The following CRABP2 variants were observed in gnomAD, a reference collection of about 807,000 sequenced individuals.
CRABP2 encodes the protein cellular retinoic acid-binding protein 2.
CRABP2 carries 20 observed loss-of-function variants against 17.9 expected under a neutral mutation model. The observed-to-expected ratio is 1.12, with a 90% CI of 0.79 to 1.63. CRABP2 has a LOEUF of 1.63. Ranked by LOEUF, CRABP2 falls within the 40% of genes most tolerant of loss-of-function variation. The pLI is 0.00. For synonymous variants in CRABP2, 76 were observed against 66.4 expected (o/e 1.14, Z -0.70); for missense variants, 151 against 168.6 (o/e 0.90, Z 0.58).
intron 1 of CRABP2, among the ~76,000 whole-genome samples, 170 bp from the exon 2 acceptor site, chr1:156,701,222 G>A (rs1648023320): frequency 6.6e-6 from 1 of 152,100 alleles, no homozygotes; most frequent in African/African-American, 2.4e-5. Context: ...TGAAGGAGAC[G>A]GTAGGCGGTG....
chr1:156,703,585 G>C (rs1648103827), intron 1 of CRABP2, among the ~76,000 whole-genome samples: 1 of 152,106 alleles, frequency 6.6e-6, no homozygotes, highest in Non-Finnish European at 1.5e-5. Flanking sequence ...TCCAGACCTG[G>C]GTTCCTAGAG....
chr1:156,705,382 A>T lies in CRABP2; in HGVS notation c.65T>A (p.Val22Glu), dbSNP rs1482470387. ...GCCCTCGAACATTTCCTTACCCAGC[A>T]CTTTGAGCAATTCCTCGAAGTTTTC... ...RSENFEELLK[V>E]LGVNVMLRKI... Residue 22 changes from valine (V) to glutamate (E), a missense_variant, in exon 1 of 4, where the codon GTG becomes GAG. By Grantham distance (121) the Val-to-Glu change is moderately radical. Coordinates refer to ENST00000368222, the MANE Select transcript of CRABP2 (RefSeq NM_001878.4). This position sits in a 1 kb window ranked among gnomAD's most constrained non-coding sequence, Gnocchi z 5.2. The T allele has an allele frequency of 1.2e-6, 2 of 1,613,274 alleles. No individual in the cohort carries two copies. Among genetic ancestry groups the T allele is most frequent in the African/African-American group, 1.3e-5 (1 of 74,640 alleles).
intron 3 of CRABP2, 75 bp downstream of exon 3, chr1:156,700,467 G>T: frequency 8.3e-7 from 1 of 1,201,376 alleles, no homozygotes; most frequent in Non-Finnish European, 1.2e-6. Context: ...TGAGTCTCCT[G>T]CACCCTGGGG....
intron 1 of CRABP2, among the ~76,000 whole-genome samples, chr1:156,703,940 G>GC (rs1278885468): frequency 6.6e-6 from 1 of 152,146 alleles, no homozygotes; most frequent in Non-Finnish European, 1.5e-5. Flanking sequence ...TTTTTAATCT[G>GC]CCCCCTGCAG....
At position 156,705,159 on chromosome 1, in the gene CRABP2, G is replaced by A. The variant is rs924528921; in HGVS notation, c.70+218C>T. 2.0e-5 allele frequency among the ~76,000 whole-genome samples: 3 copies of A among 152,242 alleles called. No homozygotes were observed. Among genetic ancestry groups the A allele is most frequent in the African/African-American group, 7.2e-5 (3 of 41,478 alleles). The stretch of plus-strand genomic sequence containing the variant: ...TTTCTACGTGATTCACAGGCCGTGA[G>A]TCACCGCAGTGTTGGCACCGGTGGG... On this transcript the variant is annotated intron_variant, in intron 1 of 3. Transcript: ENST00000368222. This position sits in a 1 kb window ranked among gnomAD's most constrained non-coding sequence, Gnocchi z 5.2.
intron 1 of CRABP2, among the ~76,000 whole-genome samples, chr1:156,703,544 GC>G (rs1196397487): frequency 1.3e-5 from 2 of 152,116 alleles, no homozygotes; most frequent in African/African-American, 2.4e-5. Context: ...GGATTTCCCT[GC>G]CCCTGATCTG....
Position 156,705,387 on chromosome 1 carries a change from G to A in CRABP2, c.60C>T (p.Leu20=), listed in dbSNP as rs146310086. The part of the protein sequence containing the change: ...IIRSENFEEL[L]KVLGVNVMLR... ...CGAACATTTCCTTACCCAGCACTTT[G>A]AGCAATTCCTCGAAGTTTTCCGATC... Residue 20 remains leucine (L), a synonymous_variant, in exon 1 of 4, where the codon CTC becomes CTT. Coordinates refer to ENST00000368222, the MANE Select transcript of CRABP2 (RefSeq NM_001878.4). The surrounding 1 kb of genome is among the most constrained non-coding windows in gnomAD (Gnocchi z 5.2). 462 of 1,614,146 alleles carry A rather than the reference G, an allele frequency of 2.9e-4. 2 individuals carry two copies. In the African/African-American group the frequency reaches 5.5e-3, roughly 19 times the overall value.
Position 156,700,947 on chromosome 1 carries a change from A to G in CRABP2, c.176T>C (p.Val59Ala). ...DTFYIKTSTTVRTTEINFKVG... is the reference protein window; with the variant it reads ...DTFYIKTSTTARTTEINFKVG... Reference sequence around the variant, plus strand: ...CTTGAAGTTAATCTCTGTGGTGCGCACGGTGGTGGAGGTTTTGATGTAGAA... The same window carrying G: ...CTTGAAGTTAATCTCTGTGGTGCGCGCGGTGGTGGAGGTTTTGATGTAGAA... The change falls in exon 2 of 4, where the codon GTG becomes GCG. Residue 59 changes from valine to alanine, a missense_variant. By Grantham distance (64) the Val-to-Ala change is moderately conservative. Transcript: ENST00000368222. The G allele has an allele frequency of 6.2e-7, 1 of 1,614,190 alleles. No homozygotes were observed. Among genetic ancestry groups the G allele is most frequent in the Admixed American group, 1.7e-5 (1 of 60,030 alleles).
intron 1 of CRABP2, among the ~76,000 whole-genome samples, chr1:156,704,214 A>G (rs1025267742): frequency 6.6e-5 from 10 of 152,286 alleles, no homozygotes; most frequent in Non-Finnish European, 1.3e-4. Context: ...GACTCCAAGA[A>G]GTATTGTGGT....
At chr1:156,701,995 G>C (rs1648051805) in intron 1 of CRABP2, among the ~76,000 whole-genome samples, 2 of 151,040 alleles carry the variant, frequency 1.3e-5, no homozygotes, top group African/African-American at 4.9e-5. Context: ...AAAAAAGCCA[G>C]GGCTGGACGC....
rs912371530 is a variant in CRABP2, at chr1:156,699,958, G to A, written c.*68C>T. 2 of 1,522,942 alleles carry A rather than the reference G, an allele frequency of 1.3e-6. No individual in the cohort carries two copies. The highest frequency in any genetic ancestry group is 1.8e-6 in the Non-Finnish European group (2 of 1,111,876). The allele number at this position is 1,522,942 out of a possible 1,614,324, so 94.3% of individuals were successfully genotyped here. A position where few individuals can be genotyped will look rare whatever the true frequency, so the allele number is the denominator to read the frequency against. On this transcript the variant is annotated 3_prime_UTR_variant, in exon 4 of 4. Transcript: ENST00000368222. The stretch of plus-strand genomic sequence containing the variant: ...CCTAGAAGGAGGGGGTGGGACGGAG[G>A]GGGCAGTGAAGCAGGGCGGTGAGCA...
At position 156,700,547 on chromosome 1, in the gene CRABP2, T is replaced by C. The variant is rs752717781; in HGVS notation, c.361A>G (p.Ile121Val). Reference protein sequence around the residue: ...TRELTNDGELILTMTADDVVC... With the variant: ...TRELTNDGELVLTMTADDVVC... ...GGGGAGGAGGCAGGACTTACCAGGA[T>C]CAGTTCCCCATCGTTGGTCAGTTCT... The change falls in exon 3 of 4, where the codon ATC becomes GTC. Residue 121 changes from isoleucine (I) to valine (V), a missense_variant. Physicochemically the swap from Ile to Val is conservative, Grantham distance 29. Coordinates refer to ENST00000368222, the MANE Select transcript of CRABP2 (RefSeq NM_001878.4). 6.8e-6 allele frequency: 11 copies of C among 1,612,912 alleles called. No individual in the cohort carries two copies. In the South Asian group the frequency reaches 1.2e-4, roughly 18 times the overall value.
chr1:156,703,204 G>A (rs1648091836), intron 1 of CRABP2, among the ~76,000 whole-genome samples: 1 of 152,124 alleles, frequency 6.6e-6, no homozygotes, highest in African/African-American at 2.4e-5. Context: ...TCCCCGCTCT[G>A]TGTGATGTAT....
Position 156,705,468 on chromosome 1 carries a change from C to T in CRABP2, c.-22G>A, listed in dbSNP as rs1648166711. ...GCATGGTGGCGGCGCGGGAGGCGGT[C>T]CCCGTAGACTCCTAGGCTGGAGCAC... is the stretch of plus-strand genomic sequence containing the variant. On this transcript the variant is annotated 5_prime_UTR_variant, in exon 1 of 4. Transcript: ENST00000368222. The surrounding 1 kb of genome is among the most constrained non-coding windows in gnomAD (Gnocchi z 5.2). 2 of 1,613,272 alleles carry T rather than the reference C, an allele frequency of 1.2e-6. No homozygotes were observed. The highest frequency in any genetic ancestry group is 1.1e-5 in the South Asian group (1 of 91,066).
intron 1 of CRABP2, among the ~76,000 whole-genome samples, chr1:156,704,075 C>T (rs1324653198): frequency 6.6e-6 from 1 of 152,158 alleles, no homozygotes; most frequent in Non-Finnish European, 1.5e-5. Flanking sequence ...ACCAGACCAC[C>T]ACCTCATCCA....
intron 2 of CRABP2, 95 bp downstream of exon 2, chr1:156,700,779 A>G (rs1648008155): frequency 1.3e-6 from 2 of 1,532,476 alleles, no homozygotes; most frequent in Middle Eastern, 1.9e-4. Context: ...CTACTGGGAC[A>G]GAGAGAAGCT....
rs2102607238 is a variant in CRABP2 at position 156,705,458 on chromosome 1, G to A, written c.-12C>T. On this transcript the variant is annotated 5_prime_UTR_variant, in exon 1 of 4. Coordinates refer to ENST00000368222, the MANE Select transcript of CRABP2 (RefSeq NM_001878.4). This position sits in a 1 kb window ranked among gnomAD's most constrained non-coding sequence, Gnocchi z 5.2. Reference sequence around the variant, plus strand: ...GAGAAGTTGGGCATGGTGGCGGCGCGGGAGGCGGTCCCCGTAGACTCCTAG... The same window carrying A: ...GAGAAGTTGGGCATGGTGGCGGCGCAGGAGGCGGTCCCCGTAGACTCCTAG... 8.7e-6 allele frequency: 14 copies of A among 1,613,984 alleles called. No individual in the cohort carries two copies. Among genetic ancestry groups the A allele is most frequent in the African/African-American group, 1.3e-5 (1 of 75,042 alleles).
intron 1 of CRABP2, among the ~76,000 whole-genome samples, chr1:156,702,354 G>A (rs1311465754): frequency 6.6e-6 from 1 of 151,714 alleles, no homozygotes; most frequent in Non-Finnish European, 1.5e-5. Flanking sequence ...GGGACGCTGA[G>A]GCTGGGGTAG....
At chr1:156,701,173 G>A (rs961606718) in intron 1 of CRABP2, 121 bp from the exon 2 acceptor site, 1 of 1,112,560 alleles carries the variant, frequency 9.0e-7, no homozygotes, top group Non-Finnish European at 1.3e-6. Flanking sequence ...GTGTTGGGGG[G>A]TGCATCTGCC....
Sources: allele counts gnomAD v4.1 joint callset (sites outside exome capture counted in the v4.1 genomes callset), GRCh38; gene constraint gnomAD v4.1.1; non-coding constraint Gnocchi (gnomAD v3.1); transcripts MANE v1.5; gene names NCBI Gene and HGNC (gene_info 2026-07-23, HGNC 2026-07-21).